The following JPH3 variants were observed in gnomAD, a reference collection of about 807,000 sequenced individuals.
JPH3 encodes the protein junctophilin-3.
JPH3 carries 11 observed loss-of-function variants against 59.6 expected under a neutral mutation model. The observed-to-expected ratio is 0.18, with a 90% CI of 0.12 to 0.31. The LOEUF is 0.31. Among genes scored for constraint, JPH3 ranks in the 10% least tolerant of loss-of-function variants. JPH3 has a pLI of 1.00. For synonymous variants in JPH3, 673 were observed against 483.6 expected (o/e 1.39, Z -5.14); for missense variants, 1,202 against 1,105.7 (o/e 1.09, Z -1.24).
intron 2 of JPH3, among the ~76,000 whole-genome samples, chr16:87,663,618 G>C (rs1412321513): frequency 6.6e-6 from 1 of 152,130 alleles, no homozygotes; most frequent in African/African-American, 2.4e-5. Context: ...TGTTCACATA[G>C]GAACACATAG....
chr16:87,692,841 C>G (rs9935893), intron 4 of JPH3, among the ~76,000 whole-genome samples: 20,273 of 152,256 alleles, frequency 0.13, 1,508 homozygotes, highest in Middle Eastern at 0.21. Context: ...CCCACAGCGT[C>G]CGTACCTGCT....
intron 2 of JPH3, among the ~76,000 whole-genome samples, chr16:87,660,141 C>T (rs2032654136): frequency 6.6e-6 from 1 of 152,178 alleles, no homozygotes; most frequent in Non-Finnish European, 1.5e-5. Context: ...ACAGGACCTG[C>T]CTCCGAGCCT....
At position 87,664,512 on chromosome 16, in the gene JPH3, C is replaced by T. The variant is rs2032802216; in HGVS notation, c.1160+19477C>T. On this transcript the variant is annotated intron_variant, in intron 2 of 4. Transcript: ENST00000284262. The stretch of plus-strand genomic sequence containing the variant: ...TGGTGGCATGCGCCTGTAATCCCAG[C>T]TACTGAGGAGACTGAGGCAGGAGAA... Among the ~76,000 whole-genome samples, 3 of 151,950 alleles carry T rather than the reference C, an allele frequency of 2.0e-5. No homozygotes were observed. The South Asian group carries it at 6.2e-4, about 32-fold the overall frequency.
At chr16:87,666,100 T>A (rs1473822630) in intron 2 of JPH3, among the ~76,000 whole-genome samples, 2 of 152,122 alleles carry the variant, frequency 1.3e-5, no homozygotes, top group East Asian at 3.9e-4. Context: ...TCTCTTTTTT[T>A]TTTTTTTGAG....
At chr16:87,673,412 G>T (rs991078120) in intron 2 of JPH3, among the ~76,000 whole-genome samples, 1 of 152,108 alleles carries the variant, frequency 6.6e-6, no homozygotes, top group Non-Finnish European at 1.5e-5. Flanking sequence ...TCCCTGGAGA[G>T]AAAATTGTGA....
At chr16:87,667,789 C>T (rs1309571462) in intron 2 of JPH3, among the ~76,000 whole-genome samples, 2 of 152,200 alleles carry the variant, frequency 1.3e-5, no homozygotes, top group African/African-American at 4.8e-5. Context: ...AAGTCACATA[C>T]TCTTCTCTGT....
At chr16:87,676,249 G>A (rs1214362373) in intron 2 of JPH3, among the ~76,000 whole-genome samples, 28 of 152,216 alleles carry the variant, frequency 1.8e-4, no homozygotes, top group Admixed American at 1.8e-3. Flanking sequence ...CAAGGACCTT[G>A]TTTGTGTCTC....
chr16:87,610,982 C>T (rs1249125032), intron 1 of JPH3, among the ~76,000 whole-genome samples: 1 of 152,200 alleles, frequency 6.6e-6, no homozygotes, highest in Non-Finnish European at 1.5e-5. Context: ...AAGCATTTGC[C>T]AAGTTCAGAC....
At chr16:87,677,337 C>T (rs902264665) in intron 2 of JPH3, among the ~76,000 whole-genome samples, 1 of 152,000 alleles carries the variant, frequency 6.6e-6, no homozygotes, top group African/African-American at 2.4e-5. Context: ...GAGCCGTGAT[C>T]ATGCCACTGT....
intron 2 of JPH3, among the ~76,000 whole-genome samples, chr16:87,682,351 G>A (rs1030209584): frequency 1.3e-5 from 2 of 152,194 alleles, no homozygotes; most frequent in African/African-American, 4.8e-5. Context: ...GGCAGAGATG[G>A]GGGGTCAGGC....
chr16:87,614,157 C>T (rs1461399532), intron 1 of JPH3, among the ~76,000 whole-genome samples: 1 of 152,166 alleles, frequency 6.6e-6, no homozygotes, highest in Non-Finnish European at 1.5e-5. Context: ...GCTGCGTGAC[C>T]CCTCCCAGGA....
intron 2 of JPH3, among the ~76,000 whole-genome samples, chr16:87,664,519 G>C (rs1022675233): frequency 2.0e-5 from 3 of 151,966 alleles, no homozygotes; most frequent in African/African-American, 7.3e-5. Context: ...CAGCTACTGA[G>C]GAGACTGAGG....
At chr16:87,606,463 C>T (rs1167993779) in intron 1 of JPH3, among the ~76,000 whole-genome samples, 1 of 152,214 alleles carries the variant, frequency 6.6e-6, no homozygotes, top group African/African-American at 2.4e-5. Flanking sequence ...TGAGTAGCTC[C>T]TACCGTCTGC....
chr16:87,629,313 C>G (rs1299945876), intron 1 of JPH3, among the ~76,000 whole-genome samples: 1 of 152,066 alleles, frequency 6.6e-6, no homozygotes, highest in African/African-American at 2.4e-5. Flanking sequence ...CAAAAGGCAG[C>G]TGATGCAGGA....
rs1014440469 is a variant in JPH3, at chr16:87,641,770, G to C, written c.383-2488G>C. Among the ~76,000 whole-genome samples the C allele has an allele frequency of 4.6e-5, 7 of 152,266 alleles. No individual in the cohort carries two copies. The East Asian group carries it at 1.3e-3, about 29-fold the overall frequency. On this transcript the variant is annotated intron_variant, in intron 1 of 4. Transcript: ENST00000284262. Reference sequence around the variant, plus strand: ...GGCTGCAGCCTGATTGGTGATCTTTGCACGCCCCTTCTCTGCCCTGGCTGG... The same window carrying C: ...GGCTGCAGCCTGATTGGTGATCTTTCCACGCCCCTTCTCTGCCCTGGCTGG...
intron 1 of JPH3, 123 bp downstream of exon 1, chr16:87,603,651 T>G: frequency 1.6e-6 from 2 of 1,223,588 alleles, no homozygotes; most frequent in Non-Finnish European, 2.2e-6. Context: ...CCAGGGGCCT[T>G]TCCCGGGCTT....
At chr16:87,694,608 G>C (rs2033729732) in intron 4 of JPH3, 2 of 152,618 alleles carry the variant, frequency 1.3e-5, no homozygotes, top group Admixed American at 6.5e-5. Flanking sequence ...CCATGGTGCG[G>C]CCCTGGAGAG....
chr16:87,644,150 A>C (rs1450268849), intron 1 of JPH3, 108 bp from the exon 2 acceptor site: 1 of 1,223,558 alleles, frequency 8.2e-7, no homozygotes, highest in Non-Finnish European at 1.1e-6. Flanking sequence ...AAAACACAAA[A>C]CAACAGGAAG....
chr16:87,674,144 C>T (rs1036186932), intron 2 of JPH3, among the ~76,000 whole-genome samples: 7 of 151,682 alleles, frequency 4.6e-5, no homozygotes, highest in Non-Finnish European at 1.0e-4. Flanking sequence ...ACCATCCTGG[C>T]TAACACGGTG....
Sources: allele counts gnomAD v4.1 joint callset (sites outside exome capture counted in the v4.1 genomes callset), GRCh38; gene constraint gnomAD v4.1.1; transcripts MANE v1.5; gene names NCBI Gene and HGNC (gene_info 2026-07-23, HGNC 2026-07-21).